Variants in TANGO6 observed in about 807,000 individuals in gnomAD.
TANGO6 encodes transport and Golgi organization protein 6 homolog.
TANGO6 carries 90 observed loss-of-function variants against 114.2 expected under a neutral mutation model. The observed-to-expected ratio is 0.79, with a 90% CI of 0.66 to 0.94. TANGO6 has a LOEUF of 0.94. Ranked by LOEUF, TANGO6 falls within the 40% of genes least tolerant of loss-of-function variation. The pLI is 0.00. For missense variants in TANGO6, 1,274 were observed against 1,315.3 expected, an observed-to-expected ratio of 0.97 and a Z score of 0.49; for synonymous variants, 477 against 509.8, an observed-to-expected ratio of 0.94 and a Z score of 0.87.
chr16:68,943,493 AG>A (rs1963378122), intron 14 of TANGO6, among the ~76,000 whole-genome samples: 1 of 151,570 alleles, frequency 6.6e-6, no homozygotes, highest in Non-Finnish European at 1.5e-5. Context: ...CCTCCCGAGT[AG>A]CTGGGACTAC....
At chr16:68,998,508 G>C (rs1049715935) in intron 15 of TANGO6, among the ~76,000 whole-genome samples, 1 of 152,074 alleles carries the variant, frequency 6.6e-6, no homozygotes, top group Non-Finnish European at 1.5e-5. Context: ...GAGGCGGGCA[G>C]ATCACAAGGT....
At chr16:68,905,422 G>A (rs1463323003) in intron 9 of TANGO6, among the ~76,000 whole-genome samples, 1 of 151,574 alleles carries the variant, frequency 6.6e-6, no homozygotes, top group Non-Finnish European at 1.5e-5. Context: ...TGTAATCCCA[G>A]CTACTCAGGA....
chr16:68,862,814 G>A, intron 2 of TANGO6, 131 bp from the exon 3 acceptor site: 1 of 699,578 alleles, frequency 1.4e-6, no homozygotes, highest in Non-Finnish European at 2.6e-6. Context: ...CCATGTGGAA[G>A]GAAATCAAGA....
chr16:69,036,042 C>CA (rs977745987), intron 16 of TANGO6: 4,307 of 56,256 alleles, frequency 0.077, 190 homozygotes, highest in African/African-American at 0.18. Flanking sequence ...GACTCTGCCT[C>CA]AAAAAAAAAA....
rs113952793 is a variant in TANGO6 at position 68,893,514 on chromosome 16, G to A, written c.1378-6920G>A. ...CAGCACTTTAGGAGGTGGGGCTGGC[G>A]GACCACTTGAGATCAGGAGTTGAGA... On this transcript the variant is annotated intron_variant, in intron 7 of 17. Transcript: ENST00000261778. 5.0e-3 allele frequency among the ~76,000 whole-genome samples: 762 copies of A among 152,108 alleles called. 7 individuals carry two copies. The highest frequency in any genetic ancestry group is 0.018 in the African/African-American group (729 of 41,496).
At chr16:68,864,222 T>G (rs1444562214) in intron 3 of TANGO6, among the ~76,000 whole-genome samples, 1 of 151,202 alleles carries the variant, frequency 6.6e-6, no homozygotes, top group Non-Finnish European at 1.5e-5. Context: ...ATGATATAGA[T>G]GGAATTGTCT....
chr16:68,985,997 G>C (rs989881037), intron 15 of TANGO6, among the ~76,000 whole-genome samples: 1 of 152,214 alleles, frequency 6.6e-6, no homozygotes, highest in Non-Finnish European at 1.5e-5. Flanking sequence ...GTGGGTGGAA[G>C]AGGGGAGAGA....
intron 14 of TANGO6, among the ~76,000 whole-genome samples, chr16:68,938,244 A>C (rs1203248398): frequency 6.6e-6 from 1 of 152,208 alleles, no homozygotes; most frequent in Non-Finnish European, 1.5e-5. Flanking sequence ...CATATGTCTG[A>C]AGAACAATGA....
chr16:68,843,747 G>T, intron 1 of TANGO6, 36 bp downstream of exon 1: 2 of 1,604,604 alleles, frequency 1.2e-6, no homozygotes, highest in South Asian at 1.1e-5. Context: ...GCTGGACCCG[G>T]GACTCTCAGG....
Position 68,902,450 on chromosome 16 carries a change from A to G in TANGO6, c.1613A>G (p.Gln538Arg). 1 of 1,613,536 alleles carries G rather than the reference A, an allele frequency of 6.2e-7. No individual in the cohort carries two copies. Among genetic ancestry groups the G allele is most frequent in the Non-Finnish European group, 8.5e-7 (1 of 1,179,690 alleles). ...GTGCCCTCTCTCCATTCTCTGTGTC[A>G]GTTTAGAGTTGCCACTCAAGGTGGC... ...KAVPSLHSLC[Q>R]FRVATQGGIM... is the part of the protein sequence containing the mutation. The change falls in exon 9 of 18, where the codon CAG (glutamine) becomes CGG (arginine). Residue 538 changes from glutamine (Q) to arginine (R), a missense_variant. Gln to Arg is a conservative substitution (Grantham distance 43, BLOSUM62 1). Around this residue, in one of 5 missense-constraint regions of TANGO6, gnomAD observed 908 missense variants for 910.2 expected, o/e 1.00. Transcript: ENST00000261778.
intron 14 of TANGO6, among the ~76,000 whole-genome samples, chr16:68,961,050 T>C (rs552091866): frequency 6.3e-4 from 96 of 152,320 alleles, no homozygotes; most frequent in African/African-American, 2.3e-3. Flanking sequence ...TTCCACATAC[T>C]AAACAAAGAT....
chr16:68,902,435 T>G lies in TANGO6; in HGVS notation c.1598T>G (p.Leu533Arg). The change falls in exon 9 of 18, where the codon CTC becomes CGC. Residue 533 changes from leucine (L) to arginine (R), a missense_variant. Physicochemically the swap from Leu to Arg is moderately radical, Grantham distance 102. This residue lies in a region of TANGO6 where 908 missense variants were observed against 910.2 expected (regional missense o/e 1.00). Coordinates refer to ENST00000261778, the MANE Select transcript of TANGO6 (RefSeq NM_024562.2). The stretch of plus-strand genomic sequence containing the variant: ...GGGTTGGACAAAGCTGTGCCCTCTC[T>G]CCATTCTCTGTGTCAGTTTAGAGTT... ...FAGLDKAVPS[L>R]HSLCQFRVAT... 3 of 1,613,850 alleles carry G rather than the reference T, an allele frequency of 1.9e-6. No homozygotes were observed. Among genetic ancestry groups the G allele is most frequent in the Non-Finnish European group, 2.5e-6 (3 of 1,179,810 alleles).
chr16:68,863,896 C>T (rs1044494668), intron 3 of TANGO6, among the ~76,000 whole-genome samples: 7 of 151,550 alleles, frequency 4.6e-5, no homozygotes, highest in East Asian at 1.9e-4. Context: ...TATCTGAGGC[C>T]GGGCGTGGTG....
At position 68,891,352 on chromosome 16, in the gene TANGO6, C is replaced by G. The variant is rs182639501; in HGVS notation, c.1378-9082C>G. 3.1e-4 allele frequency among the ~76,000 whole-genome samples: 47 copies of G among 151,344 alleles called. 1 individual carries two copies. The East Asian group carries it at 9.2e-3, about 30-fold the overall frequency. On this transcript the variant is annotated intron_variant, in intron 7 of 17. Transcript: ENST00000261778. ...ATGGGCATCTGTAATCCCAGCTACT[C>G]GGGTGGATGAGGCAGGAGAATCACC...
chr16:68,974,314 A>G, intron 15 of TANGO6, 146 bp downstream of exon 15: 1 of 887,162 alleles, frequency 1.1e-6, no homozygotes, highest in East Asian at 2.6e-5. Flanking sequence ...AATTTAGGAA[A>G]TATTCCGATG....
At chr16:68,952,509 TAGTA>T (rs1427196253) in intron 14 of TANGO6, among the ~76,000 whole-genome samples, 1 of 152,224 alleles carries the variant, frequency 6.6e-6, no homozygotes, top group African/African-American at 2.4e-5. Context: ...TTCACACACT[TAGTA>T]AGCCCAATTA....
intron 15 of TANGO6, among the ~76,000 whole-genome samples, chr16:68,974,587 G>C (rs1236641842): frequency 6.6e-6 from 1 of 152,090 alleles, no homozygotes; most frequent in Non-Finnish European, 1.5e-5. Context: ...CTTGAACCTG[G>C]GAGGCAGAGG....
At chr16:68,874,101 T>C (rs765094313) in intron 4 of TANGO6, among the ~76,000 whole-genome samples, 9 of 152,164 alleles carry the variant, frequency 5.9e-5, no homozygotes, top group Non-Finnish European at 1.2e-4. Context: ...CAGGCTTTGG[T>C]ATTTTCCTCA....
chr16:68,907,781 T>C (rs1962872677), intron 10 of TANGO6, among the ~76,000 whole-genome samples: 1 of 152,220 alleles, frequency 6.6e-6, no homozygotes, highest in African/African-American at 2.4e-5. Context: ...ACTCATGTTA[T>C]CTACTACTTC....
Sources: allele counts gnomAD v4.1 joint callset (sites outside exome capture counted in the v4.1 genomes callset), GRCh38; gene constraint gnomAD v4.1.1; regional missense constraint gnomAD v4.1.1; transcripts MANE v1.5; gene names NCBI Gene and HGNC (gene_info 2026-07-23, HGNC 2026-07-21).